Variants in ARFGEF2 observed in about 807,000 individuals in gnomAD.
The protein encoded by ARFGEF2 is brefeldin A-inhibited guanine nucleotide-exchange protein 2.
ARFGEF2 carries 74 observed loss-of-function variants against 219.9 expected under a neutral mutation model. The observed-to-expected ratio is 0.34, with a 90% CI of 0.28 to 0.41. The LOEUF (loss-of-function observed/expected upper bound fraction) is 0.41, where lower values mean the gene tolerates loss of function less well. Ranked by LOEUF, ARFGEF2 falls within the 10% of genes least tolerant of loss-of-function variation. ARFGEF2 has a pLI of 1.00. For synonymous variants in ARFGEF2, 733 were observed against 799.2 expected (o/e 0.92, Z 1.40); for missense variants, 1,743 against 2,218.3 (o/e 0.79, Z 4.30).
chr20:48,938,606 A>G (rs1306525596), intron 1 of ARFGEF2, among the ~76,000 whole-genome samples: 1 of 152,206 alleles, frequency 6.6e-6, no homozygotes, highest in Non-Finnish European at 1.5e-5. Flanking sequence ...TTTGAAATGT[A>G]CAGTTGGTTA....
Position 49,023,082 on chromosome 20 carries a change from G to C in ARFGEF2, c.4656G>C (p.Lys1552Asn). 6.2e-7 allele frequency: 1 copy of C among 1,614,214 alleles called. No homozygotes were observed. Among genetic ancestry groups the C allele is most frequent in the Non-Finnish European group, 8.5e-7 (1 of 1,180,034 alleles). ...AACTGTTTGCCAGCCTCCTCATCAA[G>C]TGTGTGGTCCAGTTGGAATTGATAC... Reference protein sequence around the residue: ...NQKLFASLLIKCVVQLELIQT... With the variant: ...NQKLFASLLINCVVQLELIQT... The change falls in exon 35 of 39, where the codon AAG (lysine) becomes AAC (asparagine). Residue 1552 changes from lysine (K) to asparagine (N), a missense_variant. This residue lies in a region of ARFGEF2 where 578 missense variants were observed against 664.0 expected (regional missense o/e 0.87). Transcript: ENST00000371917.
intron 26 of ARFGEF2, among the ~76,000 whole-genome samples, chr20:49,005,754 AAAAAG>A (rs1568733313): frequency 3.3e-5 from 5 of 150,934 alleles, no homozygotes; most frequent in African/African-American, 4.8e-5. Context: ...AAAAAAAAAA[AAAAAG>A]AAAAGAAATA....
At chr20:49,002,244 A>G (rs1314468502) in intron 25 of ARFGEF2, among the ~76,000 whole-genome samples, 1 of 152,194 alleles carries the variant, frequency 6.6e-6, no homozygotes, top group African/African-American at 2.4e-5. Flanking sequence ...CTCAAAAATA[A>G]AATAAATAAA....
rs1366679165 is a variant in ARFGEF2, at chr20:48,979,943, TGA to T, written c.1958+3745_1958+3746del. ...TTAAAAAAACAGCTCCTGGATTCGTTGATTTTTTTTTGAAGGGTTTTTTATGT... is the reference window on the plus strand; with the variant it reads ...TTAAAAAAACAGCTCCTGGATTCGTTTTTTTTTTTGAAGGGTTTTTTATGT... On this transcript the variant is annotated intron_variant, in intron 14 of 38. Transcript: ENST00000371917. Among the ~76,000 whole-genome samples, 10 of 141,008 alleles carry T rather than the reference TGA, an allele frequency of 7.1e-5. No homozygotes were observed. In the East Asian group the frequency reaches 2.5e-3, roughly 35 times the overall value. The allele number at this position is 141,008 out of a possible 152,430, so 92.5% of individuals were successfully genotyped here.
At chr20:48,963,461 A>T (rs375174212) in intron 6 of ARFGEF2, among the ~76,000 whole-genome samples, 9 of 152,334 alleles carry the variant, frequency 5.9e-5, no homozygotes, top group African/African-American at 2.2e-4. Flanking sequence ...AGGCTAAGGC[A>T]CAAGAGAAAG....
intron 36 of ARFGEF2, among the ~76,000 whole-genome samples, chr20:49,025,952 A>T (rs1440633429): frequency 6.6e-6 from 1 of 151,330 alleles, no homozygotes; most frequent in African/African-American, 2.4e-5. Flanking sequence ...ACTGCACTCC[A>T]GCCTGAGTGA....
At position 48,976,124 on chromosome 20, in the gene ARFGEF2, C is replaced by A. The variant is rs1238631497; in HGVS notation, c.1883C>A (p.Thr628Lys). 6 of 1,613,854 alleles carry A rather than the reference C, an allele frequency of 3.7e-6. No homozygotes were observed. The highest frequency in any genetic ancestry group is 3.4e-6 in the Non-Finnish European group (4 of 1,180,032). ...MESTVSSGTQ[T>K]TVQDDPEQFE... Reference sequence around the variant, plus strand: ...TCCACAGTGTCCTCGGGGACCCAGACAACTGTTCAGGATGACCCTGAGCAA... The same window carrying A: ...TCCACAGTGTCCTCGGGGACCCAGAAAACTGTTCAGGATGACCCTGAGCAA... Residue 628 changes from threonine (T) to lysine (K), a missense_variant, in exon 14 of 39, where the codon ACA becomes AAA. Thr to Lys is a moderately conservative substitution (Grantham distance 78). Transcript: ENST00000371917.
intron 3 of ARFGEF2, among the ~76,000 whole-genome samples, chr20:48,944,771 C>G (rs1473990523): frequency 6.6e-6 from 1 of 152,062 alleles, no homozygotes; most frequent in African/African-American, 2.4e-5. Context: ...CAGTGGGTTT[C>G]TAGGACTTCT....
intron 37 of ARFGEF2, among the ~76,000 whole-genome samples, chr20:49,029,452 A>C (rs6095400): frequency 0.36 from 54,936 of 152,056 alleles, 10,759 homozygotes; most frequent in African/African-American, 0.53. Context: ...ATATTTTAGA[A>C]ATAGGAACCA....
At position 48,995,875 on chromosome 20, in the gene ARFGEF2, G is replaced by A. The variant is rs767131745; in HGVS notation, c.3214G>A (p.Val1072Met). 2 of 1,614,028 alleles carry A rather than the reference G, an allele frequency of 1.2e-6. No individual in the cohort carries two copies. The highest frequency in any genetic ancestry group is 2.2e-5 in the East Asian group (1 of 44,894). Reference sequence around the variant, plus strand: ...CAGCTCGCAGAGTGTGGTTGTAGCTGTGGACAGGTAATGATTTTATTCTTC... The same window carrying A: ...CAGCTCGCAGAGTGTGGTTGTAGCTATGGACAGGTAATGATTTTATTCTTC... Reference protein sequence around the residue: ...ETSSQSVVVAVDRIFTGSTRL... With the variant: ...ETSSQSVVVAMDRIFTGSTRL... The change falls in exon 23 of 39, where the codon GTG becomes ATG. Residue 1072 changes from valine (V) to methionine (M), a missense_variant. By Grantham distance (21) the Val-to-Met change is conservative. This residue lies in a region of ARFGEF2 where 666 missense variants were observed against 955.4 expected (regional missense o/e 0.70). Coordinates refer to ENST00000371917, the MANE Select transcript of ARFGEF2 (RefSeq NM_006420.3).
intron 12 of ARFGEF2, 45 bp from the exon 13 acceptor site, chr20:48,974,721 T>C (rs1255823470): frequency 7.2e-6 from 11 of 1,519,412 alleles, no homozygotes; most frequent in Admixed American, 3.6e-5. Context: ...TCTGTTCTCT[T>C]CATTTTTCTG....
At chr20:48,969,071 C>T in intron 8 of ARFGEF2, 76 bp from the exon 9 acceptor site, 5 of 1,520,410 alleles carry the variant, frequency 3.3e-6, no homozygotes, top group Non-Finnish European at 4.5e-6. Flanking sequence ...GTGGATCCTC[C>T]TGCCTCAGCC....
intron 23 of ARFGEF2, among the ~76,000 whole-genome samples, chr20:48,996,475 A>G (rs1342619730): frequency 6.6e-6 from 1 of 151,012 alleles, no homozygotes; most frequent in Admixed American, 6.6e-5. Context: ...ACGCCTACCC[A>G]TGCTCATGCC....
intron 4 of ARFGEF2, 139 bp downstream of exon 4, chr20:48,951,608 C>A: frequency 8.3e-7 from 1 of 1,207,494 alleles, no homozygotes; most frequent in Non-Finnish European, 1.2e-6. Context: ...TCACTTAGAT[C>A]TTTTGTTAGG....
intron 14 of ARFGEF2, 112 bp downstream of exon 14, chr20:48,976,311 G>T (rs2091261086): frequency 1.5e-6 from 2 of 1,316,584 alleles, no homozygotes; most frequent in African/African-American, 2.9e-5. Flanking sequence ...GCTGGTGCTG[G>T]CACTTGTAGC....
intron 18 of ARFGEF2, 52 bp downstream of exon 18, chr20:48,988,714 A>G (rs2091340627): frequency 6.6e-7 from 1 of 1,522,672 alleles, no homozygotes; most frequent in Non-Finnish European, 9.1e-7. Flanking sequence ...TTAGTGTATC[A>G]GAATGCATGA....
rs755201684 is a variant in ARFGEF2, at chr20:48,953,743, G to A, written c.791G>A (p.Ser264Asn). 1 of 1,614,168 alleles carries A rather than the reference G, an allele frequency of 6.2e-7. No individual in the cohort carries two copies. The highest frequency in any genetic ancestry group is 1.1e-5 in the South Asian group (1 of 91,086). The change falls in exon 6 of 39, where the codon AGC (serine) becomes AAC (asparagine). Residue 264 changes from serine to asparagine, a missense_variant. Coordinates refer to ENST00000371917, the MANE Select transcript of ARFGEF2 (RefSeq NM_006420.3). ...EHARSDSGKVSTENGDAPRER... is the reference protein window; with the variant it reads ...EHARSDSGKVNTENGDAPRER... ...GCCAGGAGTGATTCTGGAAAAGTAAGCACAGAAAATGGAGACGCACCCAGA... is the reference window on the plus strand; with the variant it reads ...GCCAGGAGTGATTCTGGAAAAGTAAACACAGAAAATGGAGACGCACCCAGA...
chr20:48,976,681 G>A (rs2091264242), intron 14 of ARFGEF2, among the ~76,000 whole-genome samples: 1 of 152,030 alleles, frequency 6.6e-6, no homozygotes. Flanking sequence ...GGTGGCGGGT[G>A]CCTGTAGTCC....
chr20:48,998,632 A>G, intron 25 of ARFGEF2, 127 bp downstream of exon 25: 1 of 899,260 alleles, frequency 1.1e-6, no homozygotes, highest in South Asian at 1.5e-5. Context: ...TTCCCTGTGC[A>G]GTCAAGGACA....
Sources: gnomAD v4.1 joint callset for allele counts (sites outside exome capture counted in the v4.1 genomes callset) on GRCh38, gnomAD v4.1.1 for gene constraint, gnomAD v4.1.1 regional missense constraint, MANE v1.5 for transcripts, NCBI Gene and HGNC (gene_info 2026-07-23, HGNC 2026-07-21) for gene names.